RAB3C: variants seen among roughly 807,000 people sequenced by gnomAD.
The protein encoded by RAB3C is RAB3C, member RAS oncogene family.
A neutral mutation model predicts 26.4 loss-of-function variants in RAB3C; 17 were observed. The ratio of observed to expected loss-of-function variants is 0.64; its 90% confidence interval spans 0.44 to 0.97. RAB3C has a LOEUF of 0.97. RAB3C is among the 50% of genes least tolerant of loss of function. The pLI is 0.00. For missense variants in RAB3C, 242 were observed against 281.9 expected (o/e 0.86, Z 1.01); for synonymous variants, 91 against 95.9 (o/e 0.95, Z 0.30).
chr5:58,824,995 C>T, intron 3 of RAB3C, 43 bp from the exon 4 acceptor site: 1 of 1,409,486 alleles, frequency 7.1e-7, no homozygotes, highest in Non-Finnish European at 9.8e-7. Context: ...TTATGCTGTT[C>T]TGCTTTCCTC....
In RAB3C at chr5:58,806,177, C is replaced by T. The variant is rs548368245; in HGVS notation, c.372-18861C>T. On this transcript the variant is annotated intron_variant, in intron 3 of 4. Transcript: ENST00000282878. ...CCCCACACTTCCATTCACTGGCTTG[C>T]AAGTTTACACAAGATGTTTAAACTT... Among the ~76,000 whole-genome samples, 168 of 152,238 alleles carry T rather than the reference C, an allele frequency of 1.1e-3. 1 individual carries two copies. The highest frequency in any genetic ancestry group is 0.01 in the Middle Eastern group (3 of 294).
At chr5:58,688,897 T>C (rs1271217515) in intron 2 of RAB3C, among the ~76,000 whole-genome samples, 1 of 152,146 alleles carries the variant, frequency 6.6e-6, no homozygotes, top group Non-Finnish European at 1.5e-5. Context: ...TTTTTTGTAA[T>C]TTTTACCTTA....
At chr5:58,593,797 G>A (rs978128282) in intron 1 of RAB3C, among the ~76,000 whole-genome samples, 1 of 152,144 alleles carries the variant, frequency 6.6e-6, no homozygotes, top group Non-Finnish European at 1.5e-5. Context: ...TGAAGCCATA[G>A]GAGTAAGTAT....
chr5:58,611,999 AT>A (rs1746713887), intron 1 of RAB3C, among the ~76,000 whole-genome samples: 3 of 151,934 alleles, frequency 2.0e-5, no homozygotes, highest in Admixed American at 6.6e-5. Context: ...TCCTTTCCCC[AT>A]TGCTTGTTTT....
intron 2 of RAB3C, among the ~76,000 whole-genome samples, chr5:58,632,383 G>C (rs1421513902): frequency 6.6e-6 from 1 of 152,174 alleles, no homozygotes; most frequent in African/African-American, 2.4e-5. Flanking sequence ...CCCATGTCAA[G>C]CCTACTGAAT....
At chr5:58,697,032 T>C (rs1217873167) in intron 2 of RAB3C, among the ~76,000 whole-genome samples, 1 of 152,240 alleles carries the variant, frequency 6.6e-6, no homozygotes, top group African/African-American at 2.4e-5. Context: ...CGATTTTACA[T>C]CTTTCCTGCT....
intron 2 of RAB3C, among the ~76,000 whole-genome samples, chr5:58,638,776 C>T (rs1747345215): frequency 6.6e-6 from 1 of 152,204 alleles, no homozygotes; most frequent in African/African-American, 2.4e-5. Flanking sequence ...AAGCAGTTGA[C>T]ATCAACACTA....
intron 3 of RAB3C, among the ~76,000 whole-genome samples, chr5:58,771,843 CT>C (rs1742036331): frequency 1.4e-5 from 2 of 145,374 alleles, no homozygotes; most frequent in South Asian, 4.4e-4. Context: ...TTTTCTTTTT[CT>C]TTTTCTTTTT....
chr5:58,779,731 T>G (rs898719942), intron 3 of RAB3C, among the ~76,000 whole-genome samples: 3 of 152,136 alleles, frequency 2.0e-5, no homozygotes, highest in Admixed American at 6.6e-5. Flanking sequence ...GAGCCAGAAC[T>G]GAACACTGGT....
rs1421995398 is a variant in RAB3C at position 58,858,090 on chromosome 5, C to A, written c.*6739C>A. ...TGCAAGACAGTTGGTTCTAGATGACCATGGCCATGTGTTCATCATATAAAA... is the reference window on the plus strand; with the variant it reads ...TGCAAGACAGTTGGTTCTAGATGACAATGGCCATGTGTTCATCATATAAAA... On this transcript the variant is annotated 3_prime_UTR_variant, in exon 5 of 5. Coordinates refer to ENST00000282878, the MANE Select transcript of RAB3C (RefSeq NM_138453.4). 3 of 152,106 alleles carry A rather than the reference C, an allele frequency of 2.0e-5. No homozygotes were observed. The highest frequency in any genetic ancestry group is 2.0e-4 in the Admixed American group (3 of 15,256). 9.4% of individuals were successfully genotyped at this position (152,106 alleles called of 1,614,324 possible).
At chr5:58,648,898 C>CT (rs1747584307) in intron 2 of RAB3C, among the ~76,000 whole-genome samples, 1 of 152,136 alleles carries the variant, frequency 6.6e-6, no homozygotes, top group African/African-American at 2.4e-5. Flanking sequence ...TGTCTTATGG[C>CT]TTGTGGCTAT....
At chr5:58,841,953 A>G (rs1291907084) in intron 4 of RAB3C, among the ~76,000 whole-genome samples, 2 of 152,090 alleles carry the variant, frequency 1.3e-5, no homozygotes, top group Non-Finnish European at 2.9e-5. Flanking sequence ...AGCTCTCACT[A>G]TGTGCCAGGC....
chr5:58,842,765 T>G (rs1638335968), intron 4 of RAB3C, among the ~76,000 whole-genome samples: 2 of 152,230 alleles, frequency 1.3e-5, no homozygotes, highest in South Asian at 2.1e-4. Context: ...TGTCACTATA[T>G]AAAGTAAAAT....
chr5:58,737,918 A>G (rs1741186943), intron 3 of RAB3C, among the ~76,000 whole-genome samples: 3 of 152,302 alleles, frequency 2.0e-5, no homozygotes, highest in East Asian at 3.9e-4. Flanking sequence ...AAAATGTCTT[A>G]TCTTACATAG....
intron 3 of RAB3C, among the ~76,000 whole-genome samples, chr5:58,762,152 G>T (rs532722847): frequency 3.6e-4 from 55 of 151,796 alleles, no homozygotes; most frequent in Non-Finnish European, 7.1e-4. Context: ...AAAAATTAAT[G>T]AGCTACTTTT....
rs548157677 is a variant in RAB3C at position 58,682,321 on chromosome 5, G to A, written c.253-43681G>A. Among the ~76,000 whole-genome samples, 33 of 152,258 alleles carry A rather than the reference G, an allele frequency of 2.2e-4. No individual in the cohort carries two copies. In the South Asian group the frequency reaches 5.2e-3, roughly 24 times the overall value. On this transcript the variant is annotated intron_variant, in intron 2 of 4. Coordinates refer to ENST00000282878, the MANE Select transcript of RAB3C (RefSeq NM_138453.4). Reference sequence around the variant, plus strand: ...TTATCGTCAAATAGCTTTTTTGTACGTAGGTCATTTTGCCACTGCCACTAT... The same window carrying A: ...TTATCGTCAAATAGCTTTTTTGTACATAGGTCATTTTGCCACTGCCACTAT...
chr5:58,801,401 T>C (rs1579925875), intron 3 of RAB3C, among the ~76,000 whole-genome samples: 1 of 152,300 alleles, frequency 6.6e-6, no homozygotes, highest in East Asian at 1.9e-4. Context: ...CTAGACTACA[T>C]AGGACCTGTA....
At chr5:58,626,856 G>A (rs545770420) in intron 2 of RAB3C, among the ~76,000 whole-genome samples, 19 of 152,168 alleles carry the variant, frequency 1.2e-4, no homozygotes, top group African/African-American at 4.6e-4. Context: ...CAGTTTGCAG[G>A]CAGGTATTTA....
intron 4 of RAB3C, among the ~76,000 whole-genome samples, chr5:58,827,188 A>G (rs559198782): frequency 1.6e-4 from 24 of 152,292 alleles, no homozygotes; most frequent in African/African-American, 5.3e-4. Context: ...TAAGAATGGG[A>G]AATAATAGAT....
Sources: allele counts gnomAD v4.1 joint callset (sites outside exome capture counted in the v4.1 genomes callset), GRCh38; gene constraint gnomAD v4.1.1; transcripts MANE v1.5; gene names NCBI Gene and HGNC (gene_info 2026-07-23, HGNC 2026-07-21).